Variants in COL24A1 observed in about 807,000 individuals in gnomAD.
COL24A1 encodes collagen alpha-1(XXIV) chain.
In COL24A1, 224 loss-of-function variants were observed where a neutral mutation model predicts 253.9. That is an observed-to-expected ratio of 0.88 (90% CI 0.79 to 0.99). COL24A1 has a LOEUF of 0.99. Among genes scored for constraint, COL24A1 ranks in the 50% least tolerant of loss-of-function variants. The probability of loss-of-function intolerance (pLI) is 0.00; values close to 1 mark genes in which losing one functional copy is unlikely to be tolerated. For missense variants in COL24A1, 2,131 were observed against 2,068.5 expected (o/e 1.03, Z -0.59); for synonymous variants, 685 against 673.7 (o/e 1.02, Z -0.26).
intron 4 of COL24A1, among the ~76,000 whole-genome samples, chr1:86,113,437 C>G (rs1051102964): frequency 2.6e-5 from 4 of 152,124 alleles, no homozygotes; most frequent in African/African-American, 7.2e-5. Flanking sequence ...AATTATTTGT[C>G]TTTTTAATTC....
intron 53 of COL24A1, among the ~76,000 whole-genome samples, chr1:85,767,556 G>T (rs971092447): frequency 6.6e-6 from 1 of 151,896 alleles, no homozygotes; most frequent in Non-Finnish European, 1.5e-5. Flanking sequence ...CAAAGGAAAA[G>T]AAGTGATTAA....
At chr1:85,822,224 C>T (rs1481601447) in intron 45 of COL24A1, among the ~76,000 whole-genome samples, 1 of 152,086 alleles carries the variant, frequency 6.6e-6, no homozygotes, top group Non-Finnish European at 1.5e-5. Flanking sequence ...TAAGTGAATG[C>T]CTATTTAACA....
chr1:85,891,160 C>T (rs1683089889), intron 31 of COL24A1, among the ~76,000 whole-genome samples: 1 of 151,768 alleles, frequency 6.6e-6, no homozygotes, highest in African/African-American at 2.4e-5. Context: ...ACGCCGTTCT[C>T]CTGCCTCGGC....
chr1:85,997,085 G>C (rs1694893010), intron 19 of COL24A1, among the ~76,000 whole-genome samples: 1 of 98,960 alleles, frequency 1.0e-5, no homozygotes. Flanking sequence ...ATATATACCA[G>C]TTAGTAGAAA....
At chr1:86,053,907 T>C (rs1700495072) in intron 10 of COL24A1, among the ~76,000 whole-genome samples, 2 of 152,138 alleles carry the variant, frequency 1.3e-5, no homozygotes, top group South Asian at 4.1e-4. Flanking sequence ...GAAAAACATG[T>C]ATCCTATGAG....
At chr1:85,835,383 G>T (rs1675889043) in intron 43 of COL24A1, among the ~76,000 whole-genome samples, 1 of 152,218 alleles carries the variant, frequency 6.6e-6, no homozygotes, top group South Asian at 2.1e-4. Flanking sequence ...GCCCACGGTG[G>T]CCTCCCAAAG....
chr1:85,757,738 T>C (rs916397429), intron 55 of COL24A1, among the ~76,000 whole-genome samples: 3 of 152,260 alleles, frequency 2.0e-5, no homozygotes, highest in Admixed American at 1.3e-4. Flanking sequence ...ATTGACTTTT[T>C]CCCCACAGGC....
At chr1:85,866,435 A>C (rs1679802950) in intron 37 of COL24A1, among the ~76,000 whole-genome samples, 1 of 152,128 alleles carries the variant, frequency 6.6e-6, no homozygotes, top group African/African-American at 2.4e-5. Context: ...ATGACAGTAT[A>C]TAAGTGAAAT....
chr1:86,119,167 A>C (rs1408093014), intron 3 of COL24A1, among the ~76,000 whole-genome samples: 1 of 152,174 alleles, frequency 6.6e-6, no homozygotes, highest in Non-Finnish European at 1.5e-5. Flanking sequence ...AAGCACCAAA[A>C]GAAGAAAACA....
chr1:86,064,798 T>A (rs1701348936), intron 7 of COL24A1, among the ~76,000 whole-genome samples: 1 of 152,156 alleles, frequency 6.6e-6, no homozygotes. Flanking sequence ...GACGCTTTGG[T>A]TGAAAAACGT....
chr1:85,761,614 T>C, intron 53 of COL24A1, 48 bp from the exon 54 acceptor site: 1 of 1,597,738 alleles, frequency 6.3e-7, no homozygotes, highest in Middle Eastern at 1.7e-4. Flanking sequence ...ATACTTTTGG[T>C]TGGGTATAAG....
chr1:85,746,732 G>A (rs189026691), intron 55 of COL24A1, among the ~76,000 whole-genome samples: 1 of 152,326 alleles, frequency 6.6e-6, no homozygotes, highest in East Asian at 1.9e-4. Context: ...TTTCCAGGCA[G>A]AAGCAGCAAC....
At chr1:85,795,261 T>C (rs774003360) in intron 47 of COL24A1, among the ~76,000 whole-genome samples, 1 of 152,156 alleles carries the variant, frequency 6.6e-6, no homozygotes, top group Non-Finnish European at 1.5e-5. Flanking sequence ...TGGTGCTATA[T>C]GCACACATTT....
Position 86,089,195 on chromosome 1 carries a change from G to A in COL24A1, c.1686C>T (p.Pro562=). Residue 562 remains proline (P), a synonymous_variant, in exon 7 of 60, where the codon CCC becomes CCT. Coordinates refer to ENST00000370571, the MANE Select transcript of COL24A1 (RefSeq NM_152890.7). ...GDQGLSGLMG[P]PGMQGDKGLK... ...TTACCTTATCACCTTGCATACCAGG[G>A]GGGCCCATTAATCCAGAAAGGCCTT... The A allele has an allele frequency of 6.3e-7, 1 of 1,585,036 alleles. No homozygotes were observed. The highest frequency in any genetic ancestry group is 1.4e-5 in the African/African-American group (1 of 72,552).
chr1:86,004,156 G>A (rs1347177640), intron 19 of COL24A1, among the ~76,000 whole-genome samples: 2 of 152,144 alleles, frequency 1.3e-5, no homozygotes, highest in Non-Finnish European at 2.9e-5. Context: ...ACCATTCCAC[G>A]AAGAAGGCAA....
At chr1:86,058,985 G>C (rs41309193) in intron 9 of COL24A1, 136 bp downstream of exon 9, 6,788 of 563,166 alleles carry the variant, frequency 0.012, 58 homozygotes, top group Non-Finnish European at 0.015. Flanking sequence ...CTACAACTTT[G>C]ATTTTGAAAT....
chr1:85,762,547 ATTAATACTAG>A (rs1666945377), intron 53 of COL24A1, among the ~76,000 whole-genome samples: 1 of 152,222 alleles, frequency 6.6e-6, no homozygotes. Context: ...ACTAGTCAAA[ATTAATACTAG>A]TTAATACTAG....
chr1:85,734,592 T>G (rs1663852648), intron 59 of COL24A1, among the ~76,000 whole-genome samples, 157 bp downstream of exon 59: 1 of 152,236 alleles, frequency 6.6e-6, no homozygotes, highest in Non-Finnish European at 1.5e-5. Flanking sequence ...AATGATTGAT[T>G]CTAGAAAATG....
chr1:85,945,017 T>C (rs1196846657), intron 24 of COL24A1, among the ~76,000 whole-genome samples: 1 of 92,732 alleles, frequency 1.1e-5, no homozygotes, highest in Non-Finnish European at 2.2e-5. Context: ...TTTTTTTTTT[T>C]TTTTTTTTTT....
Sources: gnomAD v4.1 joint callset for allele counts (sites outside exome capture counted in the v4.1 genomes callset) on GRCh38, gnomAD v4.1.1 for gene constraint, MANE v1.5 for transcripts, NCBI Gene and HGNC (gene_info 2026-07-23, HGNC 2026-07-21) for gene names.